Variants in AMPD2 observed in about 807,000 individuals in gnomAD.
The protein encoded by AMPD2 is adenosine monophosphate deaminase 2.
In AMPD2, 52 loss-of-function variants were observed where a neutral mutation model predicts 91.3. The observed-to-expected ratio is 0.57, with a 90% CI of 0.46 to 0.72. The LOEUF (loss-of-function observed/expected upper bound fraction) is 0.72, where lower values mean the gene tolerates loss of function less well. AMPD2 is among the 30% of genes least tolerant of loss of function. The pLI is 0.00. For synonymous variants in AMPD2, 455 were observed against 456.4 expected, an observed-to-expected ratio of 1.00 and a Z score of 0.04; for missense variants, 822 against 1,122.3, an observed-to-expected ratio of 0.73 and a Z score of 3.82.
intron 2 of AMPD2, chr1:109,621,556 TGTGCTA>T: frequency 1.8e-6 from 1 of 550,994 alleles, no homozygotes; most frequent in Non-Finnish European, 3.3e-6. Context: ...AGCGTGTGCA[TGTGCTA>T]AGACTGCGTG....
At chr1:109,620,408 G>A (rs1450798674) in intron 1 of AMPD2, 130 bp downstream of exon 1, 1 of 1,422,340 alleles carries the variant, frequency 7.0e-7, no homozygotes, top group Non-Finnish European at 9.7e-7. Flanking sequence ...CTCCCAGGAG[G>A]GCCTGGGGAG....
rs775635700 is a variant in AMPD2 at position 109,627,802 on chromosome 1, T to A, written c.979T>A (p.Tyr327Asn). ...GTCATTCTGCTACCGCCGGCTGCAGTACCTGAGCTCCAAGTTCCAGATGCA... is the reference window on the plus strand; with the variant it reads ...GTCATTCTGCTACCGCCGGCTGCAGAACCTGAGCTCCAAGTTCCAGATGCA... The part of the protein sequence containing the change: ...IKSFCYRRLQ[Y>N]LSSKFQMHVL... The change falls in exon 10 of 19, where the codon TAC becomes AAC. Residue 327 changes from tyrosine to asparagine, a missense_variant. This residue lies in a region of AMPD2 where 37 missense variants were observed against 84.8 expected (regional missense o/e 0.44). Coordinates refer to ENST00000528667, the MANE Select transcript of AMPD2 (RefSeq NM_001368809.2). The A allele has an allele frequency of 1.2e-6, 2 of 1,614,118 alleles. No homozygotes were observed.
In AMPD2 at chr1:109,621,405, G is replaced by A; in HGVS notation, c.91+139G>A. 3 of 682,392 alleles carry A rather than the reference G, an allele frequency of 4.4e-6. No homozygotes were observed. Among genetic ancestry groups the A allele is most frequent in the Non-Finnish European group, 7.2e-6 (3 of 416,846 alleles). 42.3% of individuals were successfully genotyped at this position (682,392 alleles called of 1,614,324 possible). On this transcript the variant is annotated intron_variant, in intron 2 of 18. Transcript: ENST00000528667. ...TGGTGCCCCTCAACCTCAGTCCCAG[G>A]GACAGCCGGCTTGGAAGGTGGGGTG...
rs989039609 is a variant in AMPD2 at position 109,625,691 on chromosome 1, C to T, written c.252C>T (p.Ser84=). ...TGTTCACCCGCTCACTGGCTGAGAGCGAGCTCCGTAGTGCCCCGTATGAGT... is the reference window on the plus strand; with the variant it reads ...TGTTCACCCGCTCACTGGCTGAGAGTGAGCTCCGTAGTGCCCCGTATGAGT... ...EELFTRSLAE[S]ELRSAPYEFP... The change falls in exon 4 of 19, where the codon AGC becomes AGT. Residue 84 remains serine, a synonymous_variant. Transcript: ENST00000528667. The surrounding 1 kb of genome is among the most constrained non-coding windows in gnomAD (Gnocchi z 4.0). 1.4e-5 allele frequency: 23 copies of T among 1,614,024 alleles called. No individual in the cohort carries two copies. Among genetic ancestry groups the T allele is most frequent in the Admixed American group, 1.2e-4 (7 of 60,006 alleles).
At position 109,620,258 on chromosome 1, in the gene AMPD2, A is replaced by C; in HGVS notation, c.-283A>C. On this transcript the variant is annotated 5_prime_UTR_variant, in exon 1 of 19. Transcript: ENST00000528667. ...TTCTCGTGGGCAGCCTCCCCTCGGA[A>C]CTCGGGCATCATGGCCTCAGGTGAG... 1 of 1,613,928 alleles carries C rather than the reference A, an allele frequency of 6.2e-7. No individual in the cohort carries two copies. The highest frequency in any genetic ancestry group is 8.5e-7 in the Non-Finnish European group (1 of 1,179,916).
rs1206507599 is a variant in AMPD2, at chr1:109,626,845, G to A, written c.651G>A (p.Gln217=). 4 of 1,613,844 alleles carry A rather than the reference G, an allele frequency of 2.5e-6. No homozygotes were observed. The highest frequency in any genetic ancestry group is 2.5e-6 in the Non-Finnish European group (3 of 1,179,932). Residue 217 remains glutamine (Q), a synonymous_variant, in exon 7 of 19, where the codon CAG becomes CAA. Coordinates refer to ENST00000528667, the MANE Select transcript of AMPD2 (RefSeq NM_001368809.2). ...SFCPTTRRYL[Q]QLAEKPLETR... Reference sequence around the variant, plus strand: ...GCCCCACCACCCGCCGCTACCTGCAGCAGCTGGCTGAAAAGCCTCTGGAGA... The same window carrying A: ...GCCCCACCACCCGCCGCTACCTGCAACAGCTGGCTGAAAAGCCTCTGGAGA...
rs1289449913 is a variant in AMPD2 at position 109,621,237 on chromosome 1, C to A, written c.62C>A (p.Ala21Asp). The change falls in exon 2 of 19, where the codon GCC (alanine) becomes GAC (aspartate). Residue 21 changes from alanine (A) to aspartate (D), a missense_variant. Ala to Asp is a moderately radical substitution (Grantham distance 126). Transcript: ENST00000528667. Reference protein sequence around the residue: ...PKAKYPFKKRASLQASTAAPE... With the variant: ...PKAKYPFKKRDSLQASTAAPE... ...GCCAAATATCCCTTTAAGAAGCGGG[C>A]CAGCCTGCAGGCCTCCACTGCAGCT... The A allele has an allele frequency of 6.2e-7, 1 of 1,612,608 alleles. No homozygotes were observed. The highest frequency in any genetic ancestry group is 1.1e-5 in the South Asian group (1 of 90,594).
At position 109,625,263 on chromosome 1, in the gene AMPD2, GCCCCTCCACCCTTTGA is replaced by G. The variant is rs777358141; in HGVS notation, c.92-36_92-21del. 1.1e-5 allele frequency: 18 copies of G among 1,603,530 alleles called. No individual in the cohort carries two copies. The highest frequency in any genetic ancestry group is 1.7e-5 in the Admixed American group (1 of 59,524). ...CAGGGGCCCAGGGCTTTCAGGGGCT[GCCCCTCCACCCTTTGA>G]CCCTGGCATCACTGTCTCTGCAGAG... On this transcript the variant is annotated intron_variant, in intron 2 of 18. Transcript: ENST00000528667. This position sits in a 1 kb window ranked among gnomAD's most constrained non-coding sequence, Gnocchi z 4.0.
At chr1:109,620,375 G>C (rs1415198289) in intron 1 of AMPD2, 97 bp downstream of exon 1, 1 of 1,556,886 alleles carries the variant, frequency 6.4e-7, no homozygotes, top group Non-Finnish European at 8.8e-7. Flanking sequence ...ACAGCAGCAG[G>C]ACCTAGGGAA....
chr1:109,620,598 C>T, intron 1 of AMPD2: 1 of 1,230,114 alleles, frequency 8.1e-7, no homozygotes, highest in Non-Finnish European at 1.0e-6. Context: ...GGTTCTTCCC[C>T]CTCCTCCCAG....
chr1:109,627,471 T>G lies in AMPD2; in HGVS notation c.903T>G (p.Phe301Leu), dbSNP rs1348348706. 1 of 1,613,942 alleles carries G rather than the reference T, an allele frequency of 6.2e-7. No homozygotes were observed. The highest frequency in any genetic ancestry group is 2.2e-5 in the East Asian group (1 of 44,894). Residue 301 changes from phenylalanine to leucine, a missense_variant, in exon 9 of 19, where the codon TTT becomes TTG. Phe to Leu is a conservative substitution (Grantham distance 22, BLOSUM62 0). Transcript: ENST00000528667. ...VELPYPDLQE[F>L]VADVNVLMAL... ...TGCCATACCCTGACCTGCAGGAATT[T>G]GTGGCTGACGTCAATGTGCTGATGG...
Position 109,628,605 on chromosome 1 carries a change from G to T in AMPD2, c.1408-38G>T. On this transcript the variant is annotated intron_variant, in intron 12 of 18. Coordinates refer to ENST00000528667, the MANE Select transcript of AMPD2 (RefSeq NM_001368809.2). This position sits in a 1 kb window ranked among gnomAD's most constrained non-coding sequence, Gnocchi z 7.1. Reference sequence around the variant, plus strand: ...TGACCCCCTGAAGAGCTCTGACTCAGCTCACCTCATGTCTGACTCAGCTCA... The same window carrying T: ...TGACCCCCTGAAGAGCTCTGACTCATCTCACCTCATGTCTGACTCAGCTCA... The T allele has an allele frequency of 6.2e-7, 1 of 1,610,538 alleles. No homozygotes were observed. The highest frequency in any genetic ancestry group is 8.5e-7 in the Non-Finnish European group (1 of 1,177,654).
At chr1:109,622,473 A>G in intron 2 of AMPD2, 1 of 362,234 alleles carries the variant, frequency 2.8e-6, no homozygotes, top group East Asian at 7.3e-5. Context: ...TCAGAATCTC[A>G]GAGTTGGTGG....
In AMPD2 at chr1:109,629,901, G is replaced by T; in HGVS notation, c.1968G>T (p.Gly656=). 1.2e-6 allele frequency: 2 copies of T among 1,608,966 alleles called. No individual in the cohort carries two copies. Among genetic ancestry groups the T allele is most frequent in the Non-Finnish European group, 1.7e-6 (2 of 1,176,918 alleles). Residue 656 remains glycine, a synonymous_variant, in exon 16 of 19, where the codon GGG becomes GGT. Coordinates refer to ENST00000528667, the MANE Select transcript of AMPD2 (RefSeq NM_001368809.2). ...TGCTGGCTGAGAACATTTCCCACGG[G>T]CTCCTTCTGCGCAAGGTCAGGATCT... The part of the protein sequence containing the change: ...AFMLAENISH[G]LLLRKAPVLQ...
chr1:109,620,700 T>A (rs918099694), intron 1 of AMPD2: 26 of 1,211,398 alleles, frequency 2.1e-5, no homozygotes, highest in Non-Finnish European at 9.3e-6. Context: ...CCGGGAGGAC[T>A]GTGTTTGAGC....
Position 109,620,925 on chromosome 1 carries a change from A to G in AMPD2, c.-251A>G. The G allele has an allele frequency of 6.7e-7, 1 of 1,486,256 alleles. No individual in the cohort carries two copies. Among genetic ancestry groups the G allele is most frequent in the East Asian group, 2.4e-5 (1 of 42,354 alleles). The allele number at this position is 1,486,256 out of a possible 1,614,324, so 92.1% of individuals were successfully genotyped here. ...CCGCCCCCCGCCAGGCCCAGCCACC[A>G]TCAGTCACGTCACTCCTGGGACTGA... On this transcript the variant is annotated 5_prime_UTR_variant, in exon 2 of 19. Coordinates refer to ENST00000528667, the MANE Select transcript of AMPD2 (RefSeq NM_001368809.2).
At chr1:109,623,984 C>T (rs1650445788) in intron 2 of AMPD2, 3 of 985,616 alleles carry the variant, frequency 3.0e-6, no homozygotes, top group Non-Finnish European at 3.6e-6. Context: ...TGCAGCTGCA[C>T]TTGGTACAGC....
intron 7 of AMPD2, 29 bp from the exon 8 acceptor site, chr1:109,627,146 C>T (rs764545036): frequency 6.2e-7 from 1 of 1,611,392 alleles, no homozygotes; most frequent in Admixed American, 1.7e-5. Flanking sequence ...AAGAGCCCTG[C>T]TCTGACTTTA....
Position 109,629,115 on chromosome 1 carries a change from G to A in AMPD2, c.1578G>A (p.Val526=). 6.2e-7 allele frequency: 1 copy of A among 1,613,800 alleles called. No homozygotes were observed. Among genetic ancestry groups the A allele is most frequent in the Non-Finnish European group, 8.5e-7 (1 of 1,179,890 alleles). ...CATGTTGTCTCACCTGCAGTGATGT[G>A]TACCGTACCAAGGGCCAGCTGGCCA... The part of the protein sequence containing the change: ...WLVQVPRLFD[V]YRTKGQLANF... Residue 526 remains valine, a synonymous_variant, in exon 14 of 19, where the codon GTG becomes GTA. Coordinates refer to ENST00000528667, the MANE Select transcript of AMPD2 (RefSeq NM_001368809.2).
Sources: allele counts gnomAD v4.1 joint callset, GRCh38; gene constraint gnomAD v4.1.1; regional missense constraint gnomAD v4.1.1; non-coding constraint Gnocchi (gnomAD v3.1); transcripts MANE v1.5; gene names NCBI Gene and HGNC (gene_info 2026-07-23, HGNC 2026-07-21).